The following ZBBX variants were observed in gnomAD, a reference collection of about 807,000 sequenced individuals.
ZBBX encodes zinc finger B-box domain containing.
A neutral mutation model predicts 108.5 loss-of-function variants in ZBBX; 101 were observed. The observed-to-expected ratio is 0.93, with a 90% CI of 0.79 to 1.10. ZBBX has a LOEUF of 1.10. ZBBX is among the 50% of genes least tolerant of loss of function. The pLI, the probability that ZBBX is intolerant of heterozygous loss-of-function variation, is 0.00. For synonymous variants in ZBBX, 356 were observed against 323.4 expected (o/e 1.10, Z -1.08); for missense variants, 1,009 against 941.4 (o/e 1.07, Z -0.94).
At position 167,242,597 on chromosome 3, in the gene ZBBX, A is replaced by T. The variant is rs1720874720; in HGVS notation, c.2301T>A (p.Asp767Glu). The T allele has an allele frequency of 6.2e-7, 1 of 1,613,612 alleles. No homozygotes were observed. Among genetic ancestry groups the T allele is most frequent in the Non-Finnish European group, 8.5e-7 (1 of 1,179,850 alleles). The change falls in exon 21 of 22, where the codon GAT (aspartate) becomes GAA (glutamate). Residue 767 changes from aspartate (D) to glutamate (E), a missense_variant. Transcript: ENST00000675490. Reference sequence around the variant, plus strand: ...TTATATTCAGTGATTGGCTGCTGAAATCTGGGAACTCTTCTGAGGTTAAGC... The same window carrying T: ...TTATATTCAGTGATTGGCTGCTGAATTCTGGGAACTCTTCTGAGGTTAAGC... ...LYSLTSEEFP[D>E]FSSQSLNISQ...
At chr3:167,327,899 G>C (rs756762250) in intron 11 of ZBBX, 43 bp downstream of exon 11, 5 of 1,501,588 alleles carry the variant, frequency 3.3e-6, no homozygotes, top group Non-Finnish European at 4.4e-6. Context: ...GGGCAACAAA[G>C]TGAGACTCTG....
the ZBBX span, among the ~76,000 whole-genome samples, chr3:167,220,552 C>A: frequency 1.3e-5 from 2 of 151,864 alleles, no homozygotes; most frequent in African/African-American, 4.8e-5. Flanking sequence ...ATGATGAAAA[C>A]CCTCAAAAAG....
upstream of ZBBX, chr3:167,381,481 A>G (rs1747715317): frequency 6.6e-6 from 1 of 152,226 alleles, no homozygotes; most frequent in South Asian, 2.1e-4. Context: ...GTGCTTAATA[A>G]ACAGTAAGAA....
chr3:167,295,016 G>C (rs1043377502), intron 18 of ZBBX, among the ~76,000 whole-genome samples: 4 of 152,118 alleles, frequency 2.6e-5, no homozygotes, highest in African/African-American at 9.7e-5. Flanking sequence ...CAGTTAGAAT[G>C]GTGATCATTA....
chr3:167,208,120 GC>G, the ZBBX span, among the ~76,000 whole-genome samples: 5 of 152,178 alleles, frequency 3.3e-5, no homozygotes, highest in South Asian at 1.0e-3. Context: ...ATTTATACCA[GC>G]CCTAGGCATG....
chr3:167,318,725 G>A (rs1267871240), intron 12 of ZBBX, among the ~76,000 whole-genome samples: 1 of 151,922 alleles, frequency 6.6e-6, no homozygotes, highest in Non-Finnish European at 1.5e-5. Context: ...AATTTGTGGT[G>A]TACAGTTTTG....
chr3:167,342,870 G>A (rs998074432), intron 9 of ZBBX, among the ~76,000 whole-genome samples: 1 of 150,980 alleles, frequency 6.6e-6, no homozygotes, highest in Non-Finnish European at 1.5e-5. Flanking sequence ...CATTATTCTG[G>A]TGATGATATA....
chr3:167,375,032 T>C lies in ZBBX; in HGVS notation c.-131-1245A>G, dbSNP rs377209710. Among the ~76,000 whole-genome samples, 43 of 152,316 alleles carry C rather than the reference T, an allele frequency of 2.8e-4. No individual in the cohort carries two copies. The East Asian group carries it at 5.2e-3, about 18-fold the overall frequency. ...TGAGTGGCTTTAAATGTCAAGTTTATAGCATTTGGAATTTATTCTGTAGCT... is the reference window on the plus strand; with the variant it reads ...TGAGTGGCTTTAAATGTCAAGTTTACAGCATTTGGAATTTATTCTGTAGCT... On this transcript the variant is annotated intron_variant, in intron 2 of 21. Transcript: ENST00000675490.
At chr3:167,217,339 A>G in the ZBBX span, among the ~76,000 whole-genome samples, 250 of 152,306 alleles carry the variant, frequency 1.6e-3, 1 homozygote, top group African/African-American at 4.8e-3. Flanking sequence ...GAAGACATAC[A>G]TGAAAGCCAA....
At chr3:167,209,511 A>G in the ZBBX span, among the ~76,000 whole-genome samples, 2 of 152,186 alleles carry the variant, frequency 1.3e-5, no homozygotes, top group African/African-American at 4.8e-5. Flanking sequence ...TGAGTCTGCA[A>G]GAAATAGTGT....
chr3:167,344,417 G>C (rs1207493809), intron 9 of ZBBX, among the ~76,000 whole-genome samples: 1 of 151,688 alleles, frequency 6.6e-6, no homozygotes, highest in Non-Finnish European at 1.5e-5. Flanking sequence ...AATGATTCCT[G>C]GACAAGTGTT....
Position 167,328,094 on chromosome 3 carries a change from C to A in ZBBX, c.710G>T (p.Arg237Ile), listed in dbSNP as rs189256199. 4.7e-5 allele frequency: 76 copies of A among 1,611,806 alleles called. No individual in the cohort carries two copies. The Admixed American group carries it at 9.9e-4, about 21-fold the overall frequency. ...CTTTCTTGGTTTTGTACGTTGTGCTCTTTTCATCGTTGTAATTTCTACCTA... is the reference window on the plus strand; with the variant it reads ...CTTTCTTGGTTTTGTACGTTGTGCTATTTTCATCGTTGTAATTTCTACCTA... The part of the protein sequence containing the change: ...SSEVEITTMK[R>I]AQRTKPRKSL... The change falls in exon 11 of 22, where the codon AGA (arginine) becomes ATA (isoleucine). Residue 237 changes from arginine to isoleucine, a missense_variant. By Grantham distance (97) the Arg-to-Ile change is moderately conservative. Transcript: ENST00000675490.
intron 20 of ZBBX, among the ~76,000 whole-genome samples, chr3:167,250,213 A>G (rs1722333860): frequency 6.6e-6 from 1 of 152,176 alleles, no homozygotes; most frequent in African/African-American, 2.4e-5. Context: ...GTCTTTTATA[A>G]TAGAGACAGG....
At chr3:167,242,473 AT>A in intron 21 of ZBBX, 31 bp downstream of exon 21, 1 of 1,569,338 alleles carries the variant, frequency 6.4e-7, no homozygotes, top group Non-Finnish European at 8.6e-7. Context: ...ACTACATACT[AT>A]ATTAATAAAT....
At position 167,347,250 on chromosome 3, in the gene ZBBX, G is replaced by C. The variant is rs564527788; in HGVS notation, c.528+3170C>G. Among the ~76,000 whole-genome samples, 42 of 151,996 alleles carry C rather than the reference G, an allele frequency of 2.8e-4. No individual in the cohort carries two copies. In the South Asian group the frequency reaches 8.7e-3, roughly 32 times the overall value. ...ATTTAAAGTATACAAACATGTACATGATGTTTTGGTATGCATGTACATGCA... is the reference window on the plus strand; with the variant it reads ...ATTTAAAGTATACAAACATGTACATCATGTTTTGGTATGCATGTACATGCA... On this transcript the variant is annotated intron_variant, in intron 9 of 21. Transcript: ENST00000675490.
the ZBBX span, among the ~76,000 whole-genome samples, chr3:167,214,702 A>T: frequency 2.0e-5 from 3 of 152,256 alleles, no homozygotes; most frequent in South Asian, 4.1e-4. Context: ...TCTCATCATC[A>T]CATGGCACAT....
At chr3:167,297,112 T>C (rs980291892) in intron 18 of ZBBX, among the ~76,000 whole-genome samples, 6 of 152,016 alleles carry the variant, frequency 3.9e-5, no homozygotes, top group African/African-American at 7.2e-5. Context: ...TTTTAAAAAG[T>C]ATCCTTATGG....
At chr3:167,327,913 CAA>C (rs10645171) in intron 11 of ZBBX, 27 bp downstream of exon 11, 20,847 of 1,137,204 alleles carry the variant, frequency 0.018, no homozygotes, top group Admixed American at 0.028. Flanking sequence ...GACTCTGTCT[CAA>C]AAAAAAAAAA....
At chr3:167,289,615 A>T (rs1011922436) in intron 18 of ZBBX, among the ~76,000 whole-genome samples, 26 of 152,140 alleles carry the variant, frequency 1.7e-4, no homozygotes, top group Non-Finnish European at 3.5e-4. Flanking sequence ...AGACCAGGAG[A>T]TCCCCTCCGG....
Sources: allele counts gnomAD v4.1 joint callset (sites outside exome capture counted in the v4.1 genomes callset), GRCh38; gene constraint gnomAD v4.1.1; transcripts MANE v1.5; gene names NCBI Gene and HGNC (gene_info 2026-07-23, HGNC 2026-07-21).